ATF7IP: variants seen among roughly 807,000 people sequenced by gnomAD.
ATF7IP encodes activating transcription factor 7 interacting protein.
Under a neutral mutation model 106.4 loss-of-function variants are expected in ATF7IP, and 23 were observed. That is an observed-to-expected ratio of 0.22 (90% CI 0.16 to 0.31). The LOEUF is 0.31. Ranked by LOEUF, ATF7IP falls within the 10% of genes least tolerant of loss-of-function variation. The probability of loss-of-function intolerance (pLI) is 1.00; values close to 1 mark genes in which losing one functional copy is unlikely to be tolerated. For missense variants in ATF7IP, 1,334 were observed against 1,524.3 expected (o/e 0.88, Z 2.08); for synonymous variants, 542 against 539.0 (o/e 1.01, Z -0.08).
chr12:14,435,460 T>C (rs886733949), intron 3 of ATF7IP, among the ~76,000 whole-genome samples: 2 of 152,222 alleles, frequency 1.3e-5, no homozygotes, highest in African/African-American at 4.8e-5. Context: ...TTTTTAGATA[T>C]TGAAGAAGCC....
At chr12:14,393,982 C>A (rs1487854720) in intron 1 of ATF7IP, among the ~76,000 whole-genome samples, 11 of 152,122 alleles carry the variant, frequency 7.2e-5, no homozygotes. Context: ...AGAATATTTT[C>A]TTGGGAAGAC....
intron 10 of ATF7IP, among the ~76,000 whole-genome samples, chr12:14,472,249 G>A (rs1035091028): frequency 4.6e-5 from 7 of 152,042 alleles, no homozygotes; most frequent in African/African-American, 1.7e-4. Flanking sequence ...AATGCTAATA[G>A]TAAATGATGA....
In ATF7IP at chr12:14,480,987, T is replaced by C; in HGVS notation, c.3098-16T>C. On this transcript the variant is annotated splice_polypyrimidine_tract_variant and intron_variant, in intron 12 of 14. Transcript: ENST00000261168. Reference sequence around the variant, plus strand: ...AATTTACTGTATTCTTAATATCTTTTTCTGCCTTGCATTAGCTCCAACTAC... The same window carrying C: ...AATTTACTGTATTCTTAATATCTTTCTCTGCCTTGCATTAGCTCCAACTAC... 1 of 1,611,116 alleles carries C rather than the reference T, an allele frequency of 6.2e-7. No homozygotes were observed. Among genetic ancestry groups the C allele is most frequent in the East Asian group, 2.2e-5 (1 of 44,858 alleles).
intron 10 of ATF7IP, among the ~76,000 whole-genome samples, chr12:14,471,957 G>A (rs1944061597): frequency 1.3e-5 from 2 of 152,174 alleles, no homozygotes; most frequent in African/African-American, 4.8e-5. Flanking sequence ...AAAAGGCAAT[G>A]ATGCTCTTGG....
chr12:14,425,921 T>A (rs1436529242), intron 2 of ATF7IP, among the ~76,000 whole-genome samples: 1 of 152,226 alleles, frequency 6.6e-6, no homozygotes, highest in African/African-American at 2.4e-5. Flanking sequence ...TTCTTTAATA[T>A]TCTTTGTCCA....
intron 1 of ATF7IP, among the ~76,000 whole-genome samples, chr12:14,422,237 G>T (rs1485673284): frequency 6.6e-6 from 1 of 151,092 alleles, no homozygotes; most frequent in Non-Finnish European, 1.5e-5. Context: ...AGAAATATCA[G>T]CCAAGTAAAG....
chr12:14,465,568 T>C (rs529513237), intron 9 of ATF7IP, among the ~76,000 whole-genome samples: 1 of 151,880 alleles, frequency 6.6e-6, no homozygotes, highest in South Asian at 2.1e-4. Context: ...ATATTCTTCT[T>C]ACAAAAAGAA....
chr12:14,372,084 G>T (rs564554933), intron 1 of ATF7IP, among the ~76,000 whole-genome samples: 52 of 152,188 alleles, frequency 3.4e-4, no homozygotes, highest in African/African-American at 1.2e-3. Flanking sequence ...CTATCCTTTA[G>T]TGGAACTCTC....
At position 14,390,522 on chromosome 12, in the gene ATF7IP, G is replaced by C. The variant is rs573796694; in HGVS notation, c.-8+24695G>C. Among the ~76,000 whole-genome samples, 3 of 152,314 alleles carry C rather than the reference G, an allele frequency of 2.0e-5. No individual in the cohort carries two copies. The South Asian group carries it at 6.2e-4, about 32-fold the overall frequency. On this transcript the variant is annotated intron_variant, in intron 1 of 14. Transcript: ENST00000261168. ...TAAAGGACATCACTATCAACTTGAT[G>C]TTCTTAATGGTGATACTGAATAAGA...
chr12:14,472,450 A>G (rs912351113), intron 10 of ATF7IP, among the ~76,000 whole-genome samples: 3 of 152,192 alleles, frequency 2.0e-5, no homozygotes, highest in African/African-American at 7.2e-5. Context: ...TGTAGTTGCT[A>G]TTGCCCAGCT....
Position 14,496,276 on chromosome 12 carries a change from A to G in ATF7IP, c.3326A>G (p.Asn1109Ser). 2 of 1,614,016 alleles carry G rather than the reference A, an allele frequency of 1.2e-6. No homozygotes were observed. Among genetic ancestry groups the G allele is most frequent in the Non-Finnish European group, 1.7e-6 (2 of 1,179,924 alleles). ...VPQTTTYVVN[N>S]GLTLGSTGPQ... is the part of the protein sequence containing the mutation. ...CAAACAACCACATATGTTGTAAACA[A>G]TGGACTAACCCTGGGATCAACAGGA... Residue 1109 changes from asparagine to serine, a missense_variant, in exon 14 of 15, where the codon AAT (asparagine) becomes AGT (serine). Asn to Ser is a conservative substitution (Grantham distance 46, BLOSUM62 1). Coordinates refer to ENST00000261168, the MANE Select transcript of ATF7IP (RefSeq NM_018179.5).
chr12:14,372,441 A>G (rs1938569621), intron 1 of ATF7IP, among the ~76,000 whole-genome samples: 1 of 145,976 alleles, frequency 6.9e-6, no homozygotes. Context: ...AGGATGACTC[A>G]GGTACCTCAG....
rs140857726 is a variant in ATF7IP at position 14,373,052 on chromosome 12, G to C, written c.-8+7225G>C. ...TTTTGAGGACCAGGAGAAAGAGTTT[G>C]ATGGAACAATAAAGGATGACTTGAC... is the stretch of plus-strand genomic sequence containing the variant. On this transcript the variant is annotated intron_variant, in intron 1 of 14. Coordinates refer to ENST00000261168, the MANE Select transcript of ATF7IP (RefSeq NM_018179.5). 3.7e-3 allele frequency among the ~76,000 whole-genome samples: 563 copies of C among 152,278 alleles called. 1 individual carries two copies. The highest frequency in any genetic ancestry group is 5.8e-3 in the Non-Finnish European group (393 of 67,984).
At chr12:14,367,637 A>G (rs1938362557) in intron 1 of ATF7IP, among the ~76,000 whole-genome samples, 1 of 152,158 alleles carries the variant, frequency 6.6e-6, no homozygotes, top group South Asian at 2.1e-4. Flanking sequence ...AGTTTGGTGT[A>G]TATAAGCGTA....
At chr12:14,481,442 G>A (rs1944424872) in intron 13 of ATF7IP, 2 of 447,512 alleles carry the variant, frequency 4.5e-6, no homozygotes, top group Non-Finnish European at 7.5e-6. Context: ...GTAAGTATGT[G>A]AGATCATGCA....
Position 14,498,851 on chromosome 12 carries a change from A to ATT in ATF7IP, c.*789_*790dup, listed in dbSNP as rs11398583. On this transcript the variant is annotated 3_prime_UTR_variant, in exon 15 of 15. Transcript: ENST00000261168. ...CAAATATAGCACAACTCCTCAAGTA[A>ATT]TTTTTTTTTTTTAAGATGGAGTTTT... The ATT allele has an allele frequency of 0.013, 1,995 of 149,824 alleles. 28 individuals are homozygous for ATT. Among genetic ancestry groups the ATT allele is most frequent in the East Asian group, 0.068 (350 of 5,116 alleles). 9.3% of individuals were successfully genotyped at this position (149,824 alleles called of 1,614,324 possible).
chr12:14,380,149 T>C (rs552209970), intron 1 of ATF7IP, among the ~76,000 whole-genome samples: 32 of 152,346 alleles, frequency 2.1e-4, no homozygotes, highest in Admixed American at 5.2e-4. Context: ...TGTTCTTAAT[T>C]TTCATTCCTT....
At chr12:14,456,337 C>T (rs914023894) in intron 6 of ATF7IP, among the ~76,000 whole-genome samples, 5 of 152,150 alleles carry the variant, frequency 3.3e-5, no homozygotes, top group Non-Finnish European at 5.9e-5. Flanking sequence ...ATTAATCTCT[C>T]AAATGATAAG....
intron 11 of ATF7IP, among the ~76,000 whole-genome samples, chr12:14,476,810 A>G (rs1038762235): frequency 6.6e-6 from 1 of 152,212 alleles, no homozygotes; most frequent in African/African-American, 2.4e-5. Flanking sequence ...AAAAACGTTC[A>G]CATCCAAAAT....
Sources: gnomAD v4.1 joint callset for allele counts (sites outside exome capture counted in the v4.1 genomes callset) on GRCh38, gnomAD v4.1.1 for gene constraint, MANE v1.5 for transcripts, NCBI Gene and HGNC (gene_info 2026-07-23, HGNC 2026-07-21) for gene names.